The following FUT9 variants were observed in gnomAD, a reference collection of about 807,000 sequenced individuals.
The protein encoded by FUT9 is fucosyltransferase 9.
FUT9 carries 15 observed loss-of-function variants against 29.7 expected under a neutral mutation model. The observed-to-expected ratio is 0.51, with a 90% CI of 0.34 to 0.78. FUT9 has a LOEUF of 0.78. Among genes scored for constraint, FUT9 ranks in the 30% least tolerant of loss-of-function variants. The probability of loss-of-function intolerance (pLI) is 0.01; values close to 1 mark genes in which losing one functional copy is unlikely to be tolerated. For missense variants in FUT9, 319 were observed against 425.4 expected (o/e 0.75, Z 2.20); for synonymous variants, 169 against 153.7 (o/e 1.10, Z -0.74).
chr6:96,190,615 C>T (rs1015705240), intron 2 of FUT9, among the ~76,000 whole-genome samples: 1 of 152,058 alleles, frequency 6.6e-6, no homozygotes, highest in Non-Finnish European at 1.5e-5. Flanking sequence ...TCTTTTTATT[C>T]TTTTTTCTCT....
At chr6:96,113,671 T>C (rs1582240489) in intron 1 of FUT9, among the ~76,000 whole-genome samples, 2 of 151,120 alleles carry the variant, frequency 1.3e-5, no homozygotes, top group Admixed American at 1.3e-4. Context: ...GCTAACACGG[T>C]GAAACCCCAC....
At chr6:96,070,015 AT>A (rs1771031764) in intron 1 of FUT9, among the ~76,000 whole-genome samples, 2 of 152,224 alleles carry the variant, frequency 1.3e-5, no homozygotes, top group African/African-American at 4.8e-5. Context: ...AATGGGCACA[AT>A]TCATGAATAA....
At chr6:96,183,696 A>C (rs1413819891) in intron 2 of FUT9, among the ~76,000 whole-genome samples, 1 of 152,030 alleles carries the variant, frequency 6.6e-6, no homozygotes, top group Admixed American at 6.6e-5. Flanking sequence ...GTCTATTGAG[A>C]TGATCATGTG....
At chr6:96,121,424 G>T (rs748567234) in intron 2 of FUT9, among the ~76,000 whole-genome samples, 2 of 152,068 alleles carry the variant, frequency 1.3e-5, no homozygotes, top group African/African-American at 2.4e-5. Context: ...TCTACAAAGA[G>T]ACAAGAAAAC....
At chr6:96,103,602 A>G (rs1032672097) in intron 1 of FUT9, among the ~76,000 whole-genome samples, 1 of 151,930 alleles carries the variant, frequency 6.6e-6, no homozygotes, top group African/African-American at 2.4e-5. Context: ...GGTGGTTGCT[A>G]GCAAGTTTCT....
chr6:96,169,080 C>G (rs1773065246), intron 2 of FUT9, among the ~76,000 whole-genome samples: 1 of 152,160 alleles, frequency 6.6e-6, no homozygotes, highest in African/African-American at 2.4e-5. Context: ...TGCCCAGCAA[C>G]TGGGGAAACC....
chr6:96,061,299 C>CTTTTTTTTTTTTTTTTTTTTTTTTTT, intron 1 of FUT9, among the ~76,000 whole-genome samples: 1 of 146,906 alleles, frequency 6.8e-6, no homozygotes, highest in Non-Finnish European at 1.5e-5. Flanking sequence ...TCTCAAGATA[C>CTTTTTTTTTTTTTTTTTTTTTTTTTT]TTCTTAGGCT....
intron 2 of FUT9, among the ~76,000 whole-genome samples, chr6:96,189,314 A>T (rs952201098): frequency 1.3e-5 from 2 of 152,100 alleles, no homozygotes; most frequent in Non-Finnish European, 2.9e-5. Context: ...TGGTGACAAA[A>T]GCTGTGTCCC....
At chr6:96,145,132 A>G (rs1260067850) in intron 2 of FUT9, among the ~76,000 whole-genome samples, 1 of 152,100 alleles carries the variant, frequency 6.6e-6, no homozygotes, top group African/African-American at 2.4e-5. Context: ...ATCTCGGCTC[A>G]CTGCAAGCTC....
chr6:96,170,121 C>T, intron 2 of FUT9, among the ~76,000 whole-genome samples: 1 of 152,206 alleles, frequency 6.6e-6, no homozygotes, highest in African/African-American at 2.4e-5. Context: ...AGGAAATGTG[C>T]AGAGACAGCA....
chr6:96,151,244 G>A (rs147895123), intron 2 of FUT9, among the ~76,000 whole-genome samples: 3 of 152,254 alleles, frequency 2.0e-5, no homozygotes, highest in African/African-American at 7.2e-5. Context: ...GTTATCTTTA[G>A]GGTAACTTCT....
At chr6:96,141,299 A>G (rs548586175) in intron 2 of FUT9, among the ~76,000 whole-genome samples, 1 of 152,326 alleles carries the variant, frequency 6.6e-6, no homozygotes, top group South Asian at 2.1e-4. Context: ...ACTACTAGTT[A>G]TCAGAGATTT....
At chr6:96,143,831 A>C (rs1043308985) in intron 2 of FUT9, among the ~76,000 whole-genome samples, 1 of 152,200 alleles carries the variant, frequency 6.6e-6, no homozygotes, top group Non-Finnish European at 1.5e-5. Flanking sequence ...GGAGGGAGTC[A>C]TATAACAGAG....
intron 1 of FUT9, among the ~76,000 whole-genome samples, chr6:96,046,512 TAA>T (rs1562106875): frequency 6.6e-6 from 1 of 152,188 alleles, no homozygotes; most frequent in South Asian, 2.1e-4. Context: ...CCTTCCTTTC[TAA>T]GTTTCTACTC....
chr6:96,160,323 C>T (rs990420712), intron 2 of FUT9, among the ~76,000 whole-genome samples: 12 of 152,234 alleles, frequency 7.9e-5, no homozygotes, highest in Admixed American at 2.6e-4. Context: ...ATTTCAGCAC[C>T]TCATAATTTG....
At chr6:96,119,228 G>A (rs1240393588) in intron 2 of FUT9, among the ~76,000 whole-genome samples, 1 of 152,136 alleles carries the variant, frequency 6.6e-6, no homozygotes, top group Non-Finnish European at 1.5e-5. Context: ...TCCATTCATG[G>A]TAAGTGCTTT....
chr6:96,150,920 T>C (rs886330185), intron 2 of FUT9, among the ~76,000 whole-genome samples: 6 of 152,228 alleles, frequency 3.9e-5, no homozygotes, highest in African/African-American at 1.4e-4. Flanking sequence ...TTTGAAGTTT[T>C]ATAATAGCAA....
At chr6:96,034,084 C>T (rs930070187) in intron 1 of FUT9, among the ~76,000 whole-genome samples, 4 of 151,520 alleles carry the variant, frequency 2.6e-5, no homozygotes, top group Non-Finnish European at 4.4e-5. Flanking sequence ...CAGGGTCAAA[C>T]TGACTTCCCA....
intron 2 of FUT9, among the ~76,000 whole-genome samples, chr6:96,189,145 G>A (rs1029044277): frequency 6.6e-5 from 10 of 152,190 alleles, no homozygotes; most frequent in Admixed American, 3.3e-4. Context: ...CTTTTCACAA[G>A]CTACTGCCAG....
Sources: gnomAD v4.1 joint callset for allele counts (sites outside exome capture counted in the v4.1 genomes callset) on GRCh38, gnomAD v4.1.1 for gene constraint, MANE v1.5 for transcripts, NCBI Gene and HGNC (gene_info 2026-07-23, HGNC 2026-07-21) for gene names.